The following OXR1 variants were observed in gnomAD, a reference collection of about 807,000 sequenced individuals.
OXR1 encodes the protein oxidation resistance protein 1.
Under a neutral mutation model 104.6 loss-of-function variants are expected in OXR1, and 41 were observed. That is an observed-to-expected ratio of 0.39 (90% CI 0.31 to 0.51). The LOEUF (loss-of-function observed/expected upper bound fraction) is 0.51, where lower values mean the gene tolerates loss of function less well. Ranked by LOEUF, OXR1 falls within the 20% of genes least tolerant of loss-of-function variation. OXR1 has a pLI of 0.77. For synonymous variants in OXR1, 348 were observed against 348.4 expected (o/e 1.00, Z 0.01); for missense variants, 955 against 1,031.9 (o/e 0.93, Z 1.02).
chr8:106,500,048 G>A (rs1811682240), intron 2 of OXR1, among the ~76,000 whole-genome samples: 2 of 152,216 alleles, frequency 1.3e-5, no homozygotes, highest in Admixed American at 1.3e-4. Flanking sequence ...GCTGCTGGCT[G>A]TATGCTGTAT....
At chr8:106,616,794 T>C (rs1821277788) in intron 3 of OXR1, among the ~76,000 whole-genome samples, 1 of 152,228 alleles carries the variant, frequency 6.6e-6, no homozygotes, top group African/African-American at 2.4e-5. Flanking sequence ...CACGTGGTTT[T>C]TGACAATTTG....
chr8:106,303,801 G>A (rs1454110651), intron 1 of OXR1, among the ~76,000 whole-genome samples: 1 of 152,100 alleles, frequency 6.6e-6, no homozygotes, highest in Non-Finnish European at 1.5e-5. Context: ...ATTTGTGTAT[G>A]TGTTTCTCCT....
intron 3 of OXR1, among the ~76,000 whole-genome samples, chr8:106,638,045 G>T (rs879521927): frequency 6.6e-6 from 1 of 152,028 alleles, no homozygotes; most frequent in Non-Finnish European, 1.5e-5. Context: ...GATTACAGGC[G>T]TGAGCCACCG....
intron 1 of OXR1, among the ~76,000 whole-genome samples, chr8:106,273,256 AG>A (rs1811892212): frequency 6.7e-6 from 1 of 150,002 alleles, no homozygotes; most frequent in African/African-American, 2.5e-5. Context: ...AAAAAAAAAA[AG>A]AAGAAGAAGA....
chr8:106,662,846 G>C (rs1232222412), intron 3 of OXR1, among the ~76,000 whole-genome samples: 2 of 78,450 alleles, frequency 2.5e-5, no homozygotes, highest in African/African-American at 2.4e-4. Flanking sequence ...ATGGGATGAT[G>C]ATGATGATGA....
At chr8:106,671,321 C>T (rs927272038) in intron 3 of OXR1, among the ~76,000 whole-genome samples, 1 of 151,802 alleles carries the variant, frequency 6.6e-6, no homozygotes, top group African/African-American at 2.4e-5. Flanking sequence ...GTGAAATTTC[C>T]CAGAGATACA....
intron 12 of OXR1, among the ~76,000 whole-genome samples, chr8:106,738,279 T>G (rs1834587472): frequency 6.6e-6 from 1 of 152,184 alleles, no homozygotes; most frequent in Non-Finnish European, 1.5e-5. Context: ...GAATTTTTTC[T>G]TTTAATGCTT....
intron 3 of OXR1, among the ~76,000 whole-genome samples, chr8:106,560,575 A>G (rs1816603635): frequency 6.6e-6 from 1 of 152,156 alleles, no homozygotes; most frequent in South Asian, 2.1e-4. Flanking sequence ...AGGGGTGCTG[A>G]CCTGAGTGAC....
chr8:106,696,681 T>A (rs954912952), intron 7 of OXR1, among the ~76,000 whole-genome samples: 6 of 152,244 alleles, frequency 3.9e-5, no homozygotes, highest in Non-Finnish European at 4.4e-5. Flanking sequence ...AATATCTCAC[T>A]GTGTTAATTA....
chr8:106,301,243 T>A (rs1374530275), intron 1 of OXR1, among the ~76,000 whole-genome samples: 1 of 152,220 alleles, frequency 6.6e-6, no homozygotes, highest in East Asian at 1.9e-4. Context: ...GCAGTCACTT[T>A]ATATTTCAGC....
intron 3 of OXR1, among the ~76,000 whole-genome samples, chr8:106,599,842 T>A (rs557596082): frequency 1.3e-5 from 2 of 152,202 alleles, no homozygotes; most frequent in East Asian, 3.9e-4. Flanking sequence ...GGTAGGGGTG[T>A]TGGGGGTTGG....
At chr8:106,390,380 C>T (rs1006644159) in intron 2 of OXR1, among the ~76,000 whole-genome samples, 4 of 152,168 alleles carry the variant, frequency 2.6e-5, no homozygotes, top group African/African-American at 7.2e-5. Flanking sequence ...TAATAGCTTA[C>T]ACTTATATAA....
At chr8:106,726,172 T>C in intron 11 of OXR1, 1 of 1,481,634 alleles carries the variant, frequency 6.7e-7, no homozygotes, top group Non-Finnish European at 8.9e-7. Context: ...AATTTATCTT[T>C]GACAGAGGAA....
intron 1 of OXR1, among the ~76,000 whole-genome samples, chr8:106,279,748 A>G (rs1244396103): frequency 2.0e-5 from 3 of 152,184 alleles, no homozygotes; most frequent in African/African-American, 7.2e-5. Flanking sequence ...AACAAAACAG[A>G]ACAAAACTCA....
intron 2 of OXR1, among the ~76,000 whole-genome samples, chr8:106,369,382 G>A (rs1310961249): frequency 6.6e-6 from 1 of 152,162 alleles, no homozygotes; most frequent in East Asian, 1.9e-4. Flanking sequence ...ATTTTGCTGT[G>A]TAGAAGCTCA....
At chr8:106,315,199 C>T (rs1295222739) in intron 1 of OXR1, among the ~76,000 whole-genome samples, 1 of 151,166 alleles carries the variant, frequency 6.6e-6, no homozygotes, top group Non-Finnish European at 1.5e-5. Context: ...TTTGTTTTAC[C>T]TCTTTGGAGC....
rs757315462 is a variant in OXR1 at position 106,740,333 on chromosome 8, T to C, written c.2164-10T>C. The stretch of plus-strand genomic sequence containing the variant: ...CTATCAAGTAAATACTAACACTTTG[T>C]TTTCTAAAGCTTACCAAGCATCTTC... On this transcript the variant is annotated splice_polypyrimidine_tract_variant and intron_variant, in intron 13 of 16. Transcript: ENST00000517566. 1.2e-6 allele frequency: 2 copies of C among 1,605,758 alleles called. No homozygotes were observed. Among genetic ancestry groups the C allele is most frequent in the East Asian group, 4.5e-5 (2 of 44,716 alleles).
rs546423894 is a variant in OXR1, at chr8:106,627,715, G to A, written c.221-51495G>A. On this transcript the variant is annotated intron_variant, in intron 3 of 16. Coordinates refer to ENST00000517566, the MANE Select transcript of OXR1 (RefSeq NM_001198533.2). ...CAGGAAGCTTACCTACTCTTTTTTCGGAGATGATTAAAACCTCATGCCACT... is the reference window on the plus strand; with the variant it reads ...CAGGAAGCTTACCTACTCTTTTTTCAGAGATGATTAAAACCTCATGCCACT... Among the ~76,000 whole-genome samples, 5 of 151,896 alleles carry A rather than the reference G, an allele frequency of 3.3e-5. No homozygotes were observed. The East Asian group carries it at 7.7e-4, about 23-fold the overall frequency.
intron 4 of OXR1, among the ~76,000 whole-genome samples, chr8:106,682,265 CT>C (rs760684524): frequency 6.6e-4 from 78 of 117,880 alleles, no homozygotes; most frequent in East Asian, 1.4e-3. Flanking sequence ...AGAGCTCTCT[CT>C]TTTTTTTTTT....
Sources: gnomAD v4.1 joint callset for allele counts (sites outside exome capture counted in the v4.1 genomes callset) on GRCh38, gnomAD v4.1.1 for gene constraint, MANE v1.5 for transcripts, NCBI Gene and HGNC (gene_info 2026-07-23, HGNC 2026-07-21) for gene names.